Variants in CRTAC1 observed in about 807,000 individuals in gnomAD.
CRTAC1 encodes cartilage acidic protein 1.
In CRTAC1, 37 loss-of-function variants were observed where a neutral mutation model predicts 67.8. The observed-to-expected ratio is 0.55, with a 90% CI of 0.42 to 0.72. CRTAC1 has a LOEUF of 0.72. Ranked by LOEUF, CRTAC1 falls within the 30% of genes least tolerant of loss-of-function variation. The pLI is 0.00. For synonymous variants in CRTAC1, 348 were observed against 371.0 expected, an observed-to-expected ratio of 0.94 and a Z score of 0.71; for missense variants, 780 against 931.6, an observed-to-expected ratio of 0.84 and a Z score of 2.12.
intron 2 of CRTAC1, among the ~76,000 whole-genome samples, chr10:97,964,336 A>G (rs1485011919): frequency 6.6e-6 from 1 of 152,176 alleles, no homozygotes; most frequent in Non-Finnish European, 1.5e-5. Context: ...TCTGCACAGT[A>G]ATGTTTGAGG....
intron 2 of CRTAC1, among the ~76,000 whole-genome samples, chr10:98,002,870 C>T (rs1318392204): frequency 2.7e-5 from 4 of 148,236 alleles, no homozygotes; most frequent in Non-Finnish European, 5.9e-5. Flanking sequence ...GCTCCGCCTC[C>T]CGGGTTCATG....
At position 97,923,388 on chromosome 10, in the gene CRTAC1, T is replaced by C. The variant is rs1380826373; in HGVS notation, c.434A>G (p.Tyr145Cys). ...GCGGAACTTGAACAACTTGTCGGTG[T>C]ACGTGGCCACCCCTGGAGAGAGGAG... Reference protein sequence around the residue: ...TNNAFSGVATYTDKLFKFRNN... With the variant: ...TNNAFSGVATCTDKLFKFRNN... Residue 145 changes from tyrosine to cysteine, a missense_variant, in exon 4 of 15, where the codon TAC (tyrosine) becomes TGC (cysteine). Coordinates refer to ENST00000370597, the MANE Select transcript of CRTAC1 (RefSeq NM_018058.7). 6.2e-7 allele frequency: 1 copy of C among 1,613,938 alleles called. No individual in the cohort carries two copies. Among genetic ancestry groups the C allele is most frequent in the Non-Finnish European group, 8.5e-7 (1 of 1,180,004 alleles).
intron 14 of CRTAC1, chr10:97,878,805 T>A: frequency 1.1e-6 from 1 of 924,860 alleles, no homozygotes; most frequent in Non-Finnish European, 1.5e-6. Context: ...TCATCTACAT[T>A]AGGGAAACTG....
chr10:97,868,960 A>G (rs2050059814), intron 14 of CRTAC1: 1 of 152,356 alleles, frequency 6.6e-6, no homozygotes, highest in South Asian at 2.1e-4. Context: ...CCTCTATGGC[A>G]TGGATTCTTA....
intron 1 of CRTAC1, among the ~76,000 whole-genome samples, chr10:98,015,727 T>C (rs1341930013): frequency 6.6e-6 from 1 of 152,248 alleles, no homozygotes. Context: ...CAAACTTTAA[T>C]GTGTGTATGA....
chr10:98,021,766 G>A (rs1434650552), intron 1 of CRTAC1, among the ~76,000 whole-genome samples: 1 of 152,192 alleles, frequency 6.6e-6, no homozygotes, highest in African/African-American at 2.4e-5. Context: ...CCTTCCAGGA[G>A]TAGTTGCCAA....
chr10:97,935,805 C>T (rs1397138751), intron 3 of CRTAC1, among the ~76,000 whole-genome samples: 1 of 152,114 alleles, frequency 6.6e-6, no homozygotes, highest in Non-Finnish European at 1.5e-5. Context: ...CACGGCATAA[C>T]CCAGGTGAGA....
At chr10:97,974,772 C>G (rs1241881865) in intron 2 of CRTAC1, among the ~76,000 whole-genome samples, 2 of 152,174 alleles carry the variant, frequency 1.3e-5, no homozygotes, top group Non-Finnish European at 2.9e-5. Context: ...CTAAGGCCAG[C>G]ATTTATGCTC....
chr10:97,896,123 G>A (rs1244644766), intron 9 of CRTAC1, 138 bp from the exon 10 acceptor site: 2 of 685,820 alleles, frequency 2.9e-6, no homozygotes, highest in Non-Finnish European at 5.1e-6. Flanking sequence ...GAAGGCTGGG[G>A]CTTGGCACCC....
At chr10:97,868,549 T>C (rs2136524976) in intron 14 of CRTAC1, 1 of 152,350 alleles carries the variant, frequency 6.6e-6, no homozygotes, top group Admixed American at 6.5e-5. Flanking sequence ...GTGGTTCTCA[T>C]GTTTGTTGTC....
At chr10:97,879,864 G>GT in intron 14 of CRTAC1, 1 of 1,049,794 alleles carries the variant, frequency 9.5e-7, no homozygotes, top group Non-Finnish European at 1.4e-6. Flanking sequence ...TGGGGACGGG[G>GT]TGGGGGTGGA....
Position 98,030,423 on chromosome 10 carries a change from T to C in CRTAC1, c.24+26A>G. On this transcript the variant is annotated intron_variant, in intron 1 of 14. Coordinates refer to ENST00000370597, the MANE Select transcript of CRTAC1 (RefSeq NM_018058.7). This position sits in a 1 kb window ranked among gnomAD's most constrained non-coding sequence, Gnocchi z 4.2. Reference sequence around the variant, plus strand: ...TGGAGAAACTTTCTCCGCCTTAGGGTGGGGGGCACCGGTGCAGATACTCAC... The same window carrying C: ...TGGAGAAACTTTCTCCGCCTTAGGGCGGGGGGCACCGGTGCAGATACTCAC... 8.1e-7 allele frequency: 1 copy of C among 1,240,830 alleles called. No homozygotes were observed. Among genetic ancestry groups the C allele is most frequent in the Non-Finnish European group, 1.0e-6 (1 of 981,244 alleles). The allele number at this position is 1,240,830 out of a possible 1,614,324, so 76.9% of individuals were successfully genotyped here. A position where few individuals can be genotyped will look rare whatever the true frequency, so the allele number is the denominator to read the frequency against.
At chr10:97,903,633 C>G (rs1307491210) in intron 7 of CRTAC1, among the ~76,000 whole-genome samples, 1 of 152,046 alleles carries the variant, frequency 6.6e-6, no homozygotes, top group African/African-American at 2.4e-5. Flanking sequence ...TCAGGAAAAC[C>G]CTGGAACTTT....
intron 2 of CRTAC1, among the ~76,000 whole-genome samples, chr10:97,962,401 AC>A (rs1470674544): frequency 6.6e-6 from 1 of 152,234 alleles, no homozygotes. Context: ...TTTAGTGCAC[AC>A]ACAGCCTTAT....
intron 7 of CRTAC1, among the ~76,000 whole-genome samples, chr10:97,902,314 C>G (rs975332485): frequency 6.6e-6 from 1 of 152,246 alleles, no homozygotes; most frequent in African/African-American, 2.4e-5. Flanking sequence ...CCTTACCCAC[C>G]ACCTGCCTCA....
chr10:97,991,460 A>G (rs1291789031), intron 2 of CRTAC1, among the ~76,000 whole-genome samples: 1 of 149,356 alleles, frequency 6.7e-6, no homozygotes, highest in Non-Finnish European at 1.5e-5. Flanking sequence ...GATAAAAAGA[A>G]AAAAGTTACA....
At chr10:97,871,273 A>G (rs1237725847) in intron 14 of CRTAC1, 3 of 152,188 alleles carry the variant, frequency 2.0e-5, no homozygotes, top group African/African-American at 4.8e-5. Flanking sequence ...AATCAGGGAC[A>G]ATGGAGGAAG....
chr10:98,021,985 G>A (rs958991018), intron 1 of CRTAC1, among the ~76,000 whole-genome samples: 3 of 152,178 alleles, frequency 2.0e-5, no homozygotes, highest in East Asian at 1.9e-4. Context: ...TGAAAAAGAC[G>A]TGGTCCCTGA....
At chr10:97,867,122 G>T (rs933103901) in intron 14 of CRTAC1, 1 of 152,210 alleles carries the variant, frequency 6.6e-6, no homozygotes, top group Non-Finnish European at 1.5e-5. Flanking sequence ...CGGGGCTGCA[G>T]ACACTGTGTG....
Sources: allele counts gnomAD v4.1 joint callset (sites outside exome capture counted in the v4.1 genomes callset), GRCh38; gene constraint gnomAD v4.1.1; non-coding constraint Gnocchi (gnomAD v3.1); transcripts MANE v1.5; gene names NCBI Gene and HGNC (gene_info 2026-07-23, HGNC 2026-07-21).